PRPSAP1: variants seen among roughly 807,000 people sequenced by gnomAD.
PRPSAP1 encodes phosphoribosyl pyrophosphate synthetase associated protein 1.
PRPSAP1 carries 31 observed loss-of-function variants against 39.4 expected under a neutral mutation model. The observed-to-expected ratio is 0.79, with a 90% confidence interval of 0.59 to 1.06. The LOEUF is 1.06. Among genes scored for constraint, PRPSAP1 ranks in the 50% least tolerant of loss-of-function variants. The pLI is 0.00. For missense variants in PRPSAP1, 430 were observed against 511.6 expected (o/e 0.84, Z 1.54); for synonymous variants, 212 against 192.6 (o/e 1.10, Z -0.83).
chr17:76,311,828 C>A, intron 9 of PRPSAP1, 128 bp from the exon 10 acceptor site: 1 of 1,116,704 alleles, frequency 9.0e-7, no homozygotes. Flanking sequence ...CTTGTTCCAC[C>A]GAGTATAGTT....
intron 3 of PRPSAP1, among the ~76,000 whole-genome samples, chr17:76,343,397 T>C (rs1459032652): frequency 1.3e-5 from 2 of 152,230 alleles, no homozygotes; most frequent in African/African-American, 2.4e-5. Flanking sequence ...CAAGATAAAA[T>C]GCAGTGCAAA....
intron 5 of PRPSAP1, 180 bp from the exon 6 acceptor site, chr17:76,330,278 C>A (rs2071306517): frequency 1.7e-6 from 1 of 599,280 alleles, no homozygotes; most frequent in Non-Finnish European, 2.9e-6. Flanking sequence ...AAAAGCACTC[C>A]TACGTCAAGA....
In PRPSAP1 at chr17:76,353,732, G is replaced by A. The variant is rs1598548983; in HGVS notation, c.-29C>T. ...CCGGCCCGCGGCGCGGTTACGACCG[G>A]CCCCGCGCGGGGCTGCACTCTGAGT... On this transcript the variant is annotated 5_prime_UTR_variant, in exon 1 of 10. Transcript: ENST00000446526. 1 of 1,433,830 alleles carries A rather than the reference G, an allele frequency of 7.0e-7. No individual in the cohort carries two copies. Among genetic ancestry groups the A allele is most frequent in the South Asian group, 1.5e-5 (1 of 67,246 alleles). The allele number at this position is 1,433,830 out of a possible 1,614,324, so 88.8% of individuals were successfully genotyped here. A position where few individuals can be genotyped will look rare whatever the true frequency, so the allele number is the denominator to read the frequency against.
chr17:76,352,989 GTC>G (rs1567812452), intron 1 of PRPSAP1: 1 of 152,878 alleles, frequency 6.5e-6, no homozygotes, highest in Non-Finnish European at 1.5e-5. Flanking sequence ...GGTCAGGCCT[GTC>G]ATTTCTACCA....
chr17:76,319,685 C>T (rs755096862), intron 7 of PRPSAP1, among the ~76,000 whole-genome samples: 19 of 151,650 alleles, frequency 1.3e-4, no homozygotes, highest in Admixed American at 2.0e-4. Context: ...GCCAGGCTGA[C>T]CTCGTGATTC....
chr17:76,322,963 C>T (rs945058163), intron 7 of PRPSAP1, among the ~76,000 whole-genome samples: 5 of 151,928 alleles, frequency 3.3e-5, no homozygotes, highest in African/African-American at 1.2e-4. Flanking sequence ...CACTGCACTG[C>T]AGGTCTGGGT....
chr17:76,348,547 A>G lies in PRPSAP1; in HGVS notation c.205T>C (p.Tyr69His). The G allele has an allele frequency of 6.6e-7, 1 of 1,519,594 alleles. No homozygotes were observed. The allele number at this position is 1,519,594 out of a possible 1,614,324, so 94.1% of individuals were successfully genotyped here. ...LGAELGKSVV[Y>H]QETNGETRVE... Reference sequence around the variant, plus strand: ...AACTTACCTCCATTGGTCTCTTGATATACAACAGACTTCCCCAATTCAGCA... The same window carrying G: ...AACTTACCTCCATTGGTCTCTTGATGTACAACAGACTTCCCCAATTCAGCA... Residue 69 changes from tyrosine to histidine, a missense_variant, in exon 2 of 10, where the codon TAT becomes CAT. Transcript: ENST00000446526.
intron 9 of PRPSAP1, among the ~76,000 whole-genome samples, chr17:76,312,633 T>C (rs896822823): frequency 1.8e-4 from 28 of 152,184 alleles, no homozygotes; most frequent in African/African-American, 5.8e-4. Flanking sequence ...ATACTATACA[T>C]TACATCGTAA....
chr17:76,352,308 C>T (rs994397464), intron 1 of PRPSAP1, among the ~76,000 whole-genome samples: 1 of 152,142 alleles, frequency 6.6e-6, no homozygotes, highest in Non-Finnish European at 1.5e-5. Flanking sequence ...AAGGCTCCTC[C>T]TTTATATCAG....
intron 2 of PRPSAP1, among the ~76,000 whole-genome samples, chr17:76,348,247 A>G (rs1440958580): frequency 1.3e-5 from 2 of 151,962 alleles, no homozygotes; most frequent in East Asian, 1.9e-4. Context: ...CCGAGGCAAT[A>G]GGGTCCCCTG....
At chr17:76,321,065 G>A (rs969961407) in intron 7 of PRPSAP1, among the ~76,000 whole-genome samples, 2 of 152,068 alleles carry the variant, frequency 1.3e-5, no homozygotes, top group African/African-American at 2.4e-5. Flanking sequence ...CTACAGGCAT[G>A]AGCCACCGTG....
chr17:76,309,635 G>A lies in PRPSAP1; in HGVS notation c.*1907C>T, dbSNP rs1022003848. 2 of 152,162 alleles carry A rather than the reference G, an allele frequency of 1.3e-5. No homozygotes were observed. Among genetic ancestry groups the A allele is most frequent in the East Asian group, 1.9e-4 (1 of 5,198 alleles). 9.4% of individuals were successfully genotyped at this position (152,162 alleles called of 1,614,324 possible). A position where few individuals can be genotyped will look rare whatever the true frequency, so the allele number is the denominator to read the frequency against. Reference sequence around the variant, plus strand: ...GATTTAACCAACCACGACTGAACACGTACAGATTCCTGTCATGATTCTCTA... The same window carrying A: ...GATTTAACCAACCACGACTGAACACATACAGATTCCTGTCATGATTCTCTA... On this transcript the variant is annotated 3_prime_UTR_variant, in exon 10 of 10. Coordinates refer to ENST00000446526, the MANE Select transcript of PRPSAP1 (RefSeq NM_002766.3).
rs536011041 is a variant in PRPSAP1 at position 76,337,653 on chromosome 17, G to A, written c.291-5218C>T. ...CACTCTGTCACCCAGGCTGGAAGGC[G>A]AGAGTGCAGTAGCACCATCTTGGCT... On this transcript the variant is annotated intron_variant, in intron 3 of 9. Transcript: ENST00000446526. Among the ~76,000 whole-genome samples, 435 of 152,222 alleles carry A rather than the reference G, an allele frequency of 2.9e-3. 1 individual carries two copies. The highest frequency in any genetic ancestry group is 9.2e-3 in the African/African-American group (382 of 41,550).
chr17:76,323,871 C>A (rs907998753), intron 7 of PRPSAP1, among the ~76,000 whole-genome samples: 5 of 151,966 alleles, frequency 3.3e-5, no homozygotes, highest in Admixed American at 6.6e-5. Flanking sequence ...TTCGGCTGGG[C>A]GCAGTGGCTC....
At chr17:76,341,819 G>A (rs1241445837) in intron 3 of PRPSAP1, among the ~76,000 whole-genome samples, 1 of 152,170 alleles carries the variant, frequency 6.6e-6, no homozygotes, top group East Asian at 1.9e-4. Flanking sequence ...GGCGCCTGTA[G>A]TCCCAGCTAC....
chr17:76,353,596 G>T lies in PRPSAP1; in HGVS notation c.108C>A (p.Gly36=). ...TGGAGTTGGCCGAGAAGACTCGGTA[G>T]CCGGTGCGAGCGGCGTTCATGGCCG... The part of the protein sequence containing the change: ...PPPAMNAART[G]YRVFSANSTA... Residue 36 remains glycine (G), a synonymous_variant, in exon 1 of 10, where the codon GGC becomes GGA. Coordinates refer to ENST00000446526, the MANE Select transcript of PRPSAP1 (RefSeq NM_002766.3). The T allele has an allele frequency of 6.4e-7, 1 of 1,560,254 alleles. No homozygotes were observed. Among genetic ancestry groups the T allele is most frequent in the Admixed American group, 1.8e-5 (1 of 54,452 alleles).
At chr17:76,312,152 G>A (rs925862467) in intron 9 of PRPSAP1, among the ~76,000 whole-genome samples, 1 of 152,116 alleles carries the variant, frequency 6.6e-6, no homozygotes, top group African/African-American at 2.4e-5. Flanking sequence ...AGTAGAAAAT[G>A]CATTTAGGCC....
Position 76,311,645 on chromosome 17 carries a change from A to T in PRPSAP1, c.1055T>A (p.Ile352Lys). The change falls in exon 10 of 10, where the codon ATA becomes AAA. Residue 352 changes from isoleucine (I) to lysine (K), a missense_variant. Ile to Lys is a moderately radical substitution (Grantham distance 102). Coordinates refer to ENST00000446526, the MANE Select transcript of PRPSAP1 (RefSeq NM_002766.3). ...HEVQKLQCPK[I>K]KTVDISLILS... Reference sequence around the variant, plus strand: ...AATCAAACTGATATCCACAGTCTTTATCTTGGGACATTGCAGCTTCTGAAC... The same window carrying T: ...AATCAAACTGATATCCACAGTCTTTTTCTTGGGACATTGCAGCTTCTGAAC... 2 of 1,614,170 alleles carry T rather than the reference A, an allele frequency of 1.2e-6. No homozygotes were observed. Among genetic ancestry groups the T allele is most frequent in the East Asian group, 4.5e-5 (2 of 44,882 alleles).
At chr17:76,320,264 GAAAA>G (rs2071175274) in intron 7 of PRPSAP1, among the ~76,000 whole-genome samples, 7 of 60,302 alleles carry the variant, frequency 1.2e-4, no homozygotes, top group Non-Finnish European at 2.2e-4. Flanking sequence ...AAGAAAGAAA[GAAAA>G]GAAAGAAAGA....
Sources: allele counts gnomAD v4.1 joint callset (sites outside exome capture counted in the v4.1 genomes callset), GRCh38; gene constraint gnomAD v4.1.1; transcripts MANE v1.5; gene names NCBI Gene and HGNC (gene_info 2026-07-23, HGNC 2026-07-21).